The following CAMSAP2 variants were observed in gnomAD, a reference collection of about 807,000 sequenced individuals.
The protein encoded by CAMSAP2 is calmodulin-regulated spectrin-associated protein 2.
A neutral mutation model predicts 146.1 loss-of-function variants in CAMSAP2; 26 were observed. That is an observed-to-expected ratio of 0.18 (90% confidence interval 0.13 to 0.25). CAMSAP2 has a LOEUF of 0.25. CAMSAP2 is among the 10% of genes least tolerant of loss of function. CAMSAP2 has a pLI of 1.00. For synonymous variants in CAMSAP2, 499 were observed against 596.6 expected, an observed-to-expected ratio of 0.84 and a Z score of 2.38; for missense variants, 1,381 against 1,759.3, an observed-to-expected ratio of 0.78 and a Z score of 3.85.
rs561812505 is a variant in CAMSAP2, at chr1:200,848,553, C to T, written c.1784C>T (p.Thr595Met). The T allele has an allele frequency of 1.8e-5, 29 of 1,613,950 alleles. No individual in the cohort carries two copies. The highest frequency in any genetic ancestry group is 1.3e-4 in the South Asian group (12 of 91,076). The change falls in exon 11 of 17, where the codon ACG becomes ATG. Residue 595 changes from threonine (T) to methionine (M), a missense_variant. By Grantham distance (81) the Thr-to-Met change is moderately conservative. Coordinates refer to ENST00000358823, the MANE Select transcript of CAMSAP2 (RefSeq NM_203459.4). ...TCTAGTCCTGATAATGTAACTGATA[C>T]GAAAGGTGCCTTGAGTCCCATAACT... The part of the protein sequence containing the change: ...NQSSPDNVTD[T>M]KGALSPITDN...
intron 4 of CAMSAP2, among the ~76,000 whole-genome samples, chr1:200,820,180 C>CTGTA (rs1666712344): frequency 6.6e-5 from 10 of 151,962 alleles, no homozygotes; most frequent in African/African-American, 2.4e-4. Flanking sequence ...CGTGCCTCAG[C>CTGTA]CTCCCTAGTA....
chr1:200,789,412 A>G (rs1337819161), intron 2 of CAMSAP2, among the ~76,000 whole-genome samples: 1 of 151,468 alleles, frequency 6.6e-6, no homozygotes, highest in Non-Finnish European at 1.5e-5. Context: ...TGGTTGTTCT[A>G]GCACCATTTG....
chr1:200,760,235 T>C (rs1664764164), intron 1 of CAMSAP2, among the ~76,000 whole-genome samples: 2 of 152,152 alleles, frequency 1.3e-5, no homozygotes, highest in South Asian at 4.1e-4. Context: ...GGTTTACTAG[T>C]GTAAGGGATT....
chr1:200,811,454 A>G (rs935968529), intron 3 of CAMSAP2, among the ~76,000 whole-genome samples: 1 of 152,068 alleles, frequency 6.6e-6, no homozygotes, highest in Non-Finnish European at 1.5e-5. Context: ...ACCAGACTAC[A>G]GTTTTCTCCT....
rs537532182 is a variant in CAMSAP2 at position 200,806,555 on chromosome 1, A to G, written c.400-821A>G. On this transcript the variant is annotated intron_variant, in intron 2 of 16. Transcript: ENST00000358823. ...GTGGTTGCCCTTGGACCCAGTGGCC[A>G]CAACTAAGAATTATCCCTGGAGAAA... 1.1e-4 allele frequency among the ~76,000 whole-genome samples: 16 copies of G among 152,332 alleles called. No individual in the cohort carries two copies. The South Asian group carries it at 2.5e-3, about 24-fold the overall frequency.
intron 2 of CAMSAP2, among the ~76,000 whole-genome samples, chr1:200,769,158 A>G (rs1665043272): frequency 6.6e-6 from 1 of 152,174 alleles, no homozygotes; most frequent in Non-Finnish European, 1.5e-5. Flanking sequence ...CTCGGGGTCT[A>G]GATGTTCCCT....
intron 6 of CAMSAP2, among the ~76,000 whole-genome samples, chr1:200,835,449 G>A (rs1186581604): frequency 6.6e-6 from 1 of 152,068 alleles, no homozygotes; most frequent in Non-Finnish European, 1.5e-5. Flanking sequence ...TCATTCATCG[G>A]CAGATATTTA....
intron 2 of CAMSAP2, among the ~76,000 whole-genome samples, chr1:200,785,124 A>C (rs1571751311): frequency 6.6e-6 from 1 of 152,262 alleles, no homozygotes; most frequent in South Asian, 2.1e-4. Flanking sequence ...ACGGTAAATT[A>C]TCTCTTTTAT....
At chr1:200,816,818 G>A (rs1478980340) in intron 4 of CAMSAP2, among the ~76,000 whole-genome samples, 1 of 69,652 alleles carries the variant, frequency 1.4e-5, no homozygotes, top group Non-Finnish European at 2.5e-5. Context: ...ATATATGTGT[G>A]TACACACACA....
intron 4 of CAMSAP2, among the ~76,000 whole-genome samples, chr1:200,816,169 C>T (rs1033165286): frequency 1.3e-5 from 2 of 152,054 alleles, no homozygotes; most frequent in Non-Finnish European, 2.9e-5. Context: ...TGGCGTGTAC[C>T]TGTAATCCCA....
Position 200,739,108 on chromosome 1 carries a change from G to T in CAMSAP2, c.-720G>T, listed in dbSNP as rs1558153951. Among the ~76,000 whole-genome samples the T allele has an allele frequency of 6.6e-6, 1 of 152,068 alleles. No homozygotes were observed. Among genetic ancestry groups the T allele is most frequent in the Admixed American group, 6.5e-5 (1 of 15,270 alleles). On this transcript the variant is annotated 5_prime_UTR_variant, in exon 1 of 17. Transcript: ENST00000358823. The surrounding 1 kb of genome is among the most constrained non-coding windows in gnomAD (Gnocchi z 4.8). ...AGCAAGGGAGGAAGACCCGGGAGAC[G>T]GCAGCGGCGACGGCGGCAGGGGAAG...
intron 11 of CAMSAP2, among the ~76,000 whole-genome samples, chr1:200,851,116 G>A (rs945382553): frequency 3.9e-5 from 6 of 152,036 alleles, no homozygotes; most frequent in South Asian, 2.1e-4. Context: ...CCTGTGTCCC[G>A]GAGTTTTCAA....
At chr1:200,816,605 A>AAAT (rs1364421397) in intron 4 of CAMSAP2, among the ~76,000 whole-genome samples, 27 of 111,228 alleles carry the variant, frequency 2.4e-4, no homozygotes, top group East Asian at 1.8e-3. Flanking sequence ...AAAAAAAAAA[A>AAAT]ATATATATAT....
At position 200,842,102 on chromosome 1, in the gene CAMSAP2, T is replaced by A; in HGVS notation, c.1021+15T>A. On this transcript the variant is annotated intron_variant, in intron 7 of 16. Coordinates refer to ENST00000358823, the MANE Select transcript of CAMSAP2 (RefSeq NM_203459.4). ...TCCACAAGGAGGTAATCAATCTTTT[T>A]AATTTTAAATGTTCCTATGAACAGA... 1 of 1,584,792 alleles carries A rather than the reference T, an allele frequency of 6.3e-7. No individual in the cohort carries two copies. The highest frequency in any genetic ancestry group is 8.7e-7 in the Non-Finnish European group (1 of 1,153,480).
Position 200,832,112 on chromosome 1 carries a change from A to G in CAMSAP2, c.646-88A>G. 5.0e-6 allele frequency: 5 copies of G among 1,001,262 alleles called. No homozygotes were observed. Among genetic ancestry groups the G allele is most frequent in the Non-Finnish European group, 7.2e-6 (5 of 693,704 alleles). The allele number at this position is 1,001,262 out of a possible 1,614,324, so 62.0% of individuals were successfully genotyped here. On this transcript the variant is annotated intron_variant, in intron 4 of 16. Transcript: ENST00000358823. This position sits in a 1 kb window ranked among gnomAD's most constrained non-coding sequence, Gnocchi z 4.2. The stretch of plus-strand genomic sequence containing the variant: ...CTCATTTCTCATGATTTATTTTATT[A>G]CTGGTACATTAGAATTTACAGTACT...
chr1:200,819,751 G>A (rs1184208251), intron 4 of CAMSAP2, among the ~76,000 whole-genome samples: 1 of 152,028 alleles, frequency 6.6e-6, no homozygotes, highest in African/African-American at 2.4e-5. Flanking sequence ...CAAAAGGTTG[G>A]CAAAAATAGT....
At chr1:200,776,521 A>G (rs1168345092) in intron 2 of CAMSAP2, among the ~76,000 whole-genome samples, 1 of 151,838 alleles carries the variant, frequency 6.6e-6, no homozygotes, top group Non-Finnish European at 1.5e-5. Context: ...ACTTGAGGGT[A>G]AGAGAGAGAG....
Position 200,849,907 on chromosome 1 carries a change from C to T in CAMSAP2, c.3138C>T (p.Ser1046=). 1 of 1,614,010 alleles carries T rather than the reference C, an allele frequency of 6.2e-7. No individual in the cohort carries two copies. Among genetic ancestry groups the T allele is most frequent in the Non-Finnish European group, 8.5e-7 (1 of 1,179,974 alleles). ...KEEVKKEELE[S]KGTLEQRGHN... is the part of the protein sequence containing the mutation. ...AAGTTAAAAAGGAGGAATTGGAATC[C>T]AAAGGGACTTTGGAACAGCGTGGAC... Residue 1046 remains serine, a synonymous_variant, in exon 11 of 17, where the codon TCC becomes TCT. Coordinates refer to ENST00000358823, the MANE Select transcript of CAMSAP2 (RefSeq NM_203459.4). This position sits in a 1 kb window ranked among gnomAD's most constrained non-coding sequence, Gnocchi z 6.3.
At chr1:200,815,672 C>A (rs778302924) in intron 4 of CAMSAP2, 28 bp downstream of exon 4, 8 of 1,129,182 alleles carry the variant, frequency 7.1e-6, no homozygotes, top group Non-Finnish European at 1.0e-5. Context: ...AAAAAGGTGC[C>A]TTTATGAGAC....
Sources: gnomAD v4.1 joint callset for allele counts (sites outside exome capture counted in the v4.1 genomes callset) on GRCh38, gnomAD v4.1.1 for gene constraint, Gnocchi (gnomAD v3.1) non-coding constraint, MANE v1.5 for transcripts, NCBI Gene and HGNC (gene_info 2026-07-23, HGNC 2026-07-21) for gene names.